The following PTPRN2 variants were observed in gnomAD, a reference collection of about 807,000 sequenced individuals.
The protein encoded by PTPRN2 is protein tyrosine phosphatase receptor type N2, also known as receptor-type tyrosine-protein phosphatase N2.
A neutral mutation model predicts 118.8 loss-of-function variants in PTPRN2; 74 were observed. The ratio of observed to expected loss-of-function variants is 0.62; its 90% CI spans 0.52 to 0.76. The LOEUF is 0.76. Ranked by LOEUF, PTPRN2 falls within the 30% of genes least tolerant of loss-of-function variation. The pLI is 0.00. For synonymous variants in PTPRN2, 641 were observed against 608.0 expected (o/e 1.05, Z -0.80); for missense variants, 1,481 against 1,394.4 (o/e 1.06, Z -0.99).
At chr7:157,556,111 G>A (rs1798863308) in intron 21 of PTPRN2, among the ~76,000 whole-genome samples, 2 of 152,290 alleles carry the variant, frequency 1.3e-5, no homozygotes, top group South Asian at 2.1e-4. Context: ...ACTGTGGTTG[G>A]GGATGCTCTG....
At chr7:158,148,534 AGGT>A (rs1820455916) in intron 6 of PTPRN2, among the ~76,000 whole-genome samples, 3 of 40,510 alleles carry the variant, frequency 7.4e-5, no homozygotes, top group African/African-American at 2.3e-4. Context: ...CTCACGCCAC[AGGT>A]CTTTCCCCCT....
Position 157,615,671 on chromosome 7 carries a change from CAT to C in PTPRN2, c.2344+5689_2344+5690del, listed in dbSNP as rs745932983. On this transcript the variant is annotated intron_variant, in intron 15 of 22. Coordinates refer to ENST00000389418, the MANE Select transcript of PTPRN2 (RefSeq NM_002847.5). The surrounding 1 kb of genome is among the most constrained non-coding windows in gnomAD (Gnocchi z 4.3). ...ATCAATGACTTGACGACGTGAAAAA[CAT>C]GTTTATAAAACGAGCAGATGGTGCC... is the stretch of plus-strand genomic sequence containing the variant. 2.6e-4 allele frequency: 121 copies of C among 460,184 alleles called. No individual in the cohort carries two copies. The highest frequency in any genetic ancestry group is 1.7e-3 in the South Asian group (111 of 64,170). 28.5% of individuals were successfully genotyped at this position (460,184 alleles called of 1,614,324 possible).
intron 16 of PTPRN2, among the ~76,000 whole-genome samples, chr7:157,595,840 A>T (rs912293453): frequency 2.0e-4 from 30 of 152,210 alleles, no homozygotes; most frequent in African/African-American, 7.2e-4. Context: ...AGCCTGAACC[A>T]CTGCGTCTGA....
At position 158,587,802 on chromosome 7, in the gene PTPRN2, G is replaced by T; in HGVS notation, c.-133C>A. 1 of 894,458 alleles carries T rather than the reference G, an allele frequency of 1.1e-6. No homozygotes were observed. The highest frequency in any genetic ancestry group is 1.3e-6 in the Non-Finnish European group (1 of 746,884). 55.4% of individuals were successfully genotyped at this position (894,458 alleles called of 1,614,324 possible). A position where few individuals can be genotyped will look rare whatever the true frequency, so the allele number is the denominator to read the frequency against. On this transcript the variant is annotated 5_prime_UTR_variant, in exon 1 of 23. Transcript: ENST00000389418. ...CCTCTCGCGCTCTTGCGGCGACGCC[G>T]GGCCGAGCTTCAGCACCGGACAGCG...
intron 2 of PTPRN2, among the ~76,000 whole-genome samples, chr7:158,395,528 T>C (rs184631825): frequency 7.5e-4 from 2 of 2,676 alleles, no homozygotes; most frequent in African/African-American, 1.5e-3. Flanking sequence ...GGGCCAGGGG[T>C]GAGGGGTGAG....
At position 157,746,942 on chromosome 7, in the gene PTPRN2, C is replaced by T. The variant is rs919124772; in HGVS notation, c.1789-64005G>A. Among the ~76,000 whole-genome samples, 13 of 144,014 alleles carry T rather than the reference C, an allele frequency of 9.0e-5. No individual in the cohort carries two copies. In the East Asian group the frequency reaches 2.1e-3, roughly 24 times the overall value. 94.5% of individuals were successfully genotyped at this position (144,014 alleles called of 152,430 possible). On this transcript the variant is annotated intron_variant, in intron 12 of 22. Coordinates refer to ENST00000389418, the MANE Select transcript of PTPRN2 (RefSeq NM_002847.5). Reference sequence around the variant, plus strand: ...CTGCGTCCCTGAGCTCTGGGCTGTCCGGGTGATTCTGAGGCCTGCGTCTCT... The same window carrying T: ...CTGCGTCCCTGAGCTCTGGGCTGTCTGGGTGATTCTGAGGCCTGCGTCTCT...
intron 8 of PTPRN2, among the ~76,000 whole-genome samples, chr7:158,135,634 C>A (rs1425470884): frequency 2.0e-5 from 3 of 152,132 alleles, no homozygotes; most frequent in Admixed American, 2.0e-4. Context: ...CCAGAGCGCT[C>A]CCTGCCCCTC....
intron 12 of PTPRN2, among the ~76,000 whole-genome samples, chr7:157,733,381 G>T (rs111890600): frequency 5.7e-4 from 10 of 17,626 alleles, no homozygotes; most frequent in African/African-American, 3.4e-3. Flanking sequence ...CGTCCCATGC[G>T]CCCAGCACAG....
intron 12 of PTPRN2, among the ~76,000 whole-genome samples, chr7:157,732,314 C>T (rs1168059774): frequency 9.9e-5 from 1 of 10,066 alleles, no homozygotes; most frequent in African/African-American, 8.3e-4. Context: ...GCACAGTTAC[C>T]CTTTCCCGTC....
chr7:157,890,487 GA>G (rs1234299971), intron 12 of PTPRN2, among the ~76,000 whole-genome samples: 1 of 152,082 alleles, frequency 6.6e-6, no homozygotes, highest in East Asian at 1.9e-4. Context: ...TAAAAATACA[GA>G]AAAATTAGCT....
chr7:158,126,950 G>C (rs903906645), intron 9 of PTPRN2, among the ~76,000 whole-genome samples: 2 of 152,324 alleles, frequency 1.3e-5, no homozygotes, highest in South Asian at 4.1e-4. Flanking sequence ...CCCCACAGAG[G>C]TGAGCACGCA....
intron 2 of PTPRN2, among the ~76,000 whole-genome samples, chr7:158,471,834 G>A (rs374809012): frequency 2.6e-5 from 4 of 152,250 alleles, no homozygotes; most frequent in South Asian, 2.1e-4. Context: ...GACAATTGGC[G>A]GGCGCCCCGG....
chr7:158,570,165 C>T lies in PTPRN2; in HGVS notation c.112+17393G>A, dbSNP rs1827926261. On this transcript the variant is annotated intron_variant, in intron 1 of 22. Coordinates refer to ENST00000389418, the MANE Select transcript of PTPRN2 (RefSeq NM_002847.5). This position sits in a 1 kb window ranked among gnomAD's most constrained non-coding sequence, Gnocchi z 4.5. ...CCGTCTCCAACCCCTGCAGGCCGACCTGGGCAGCCAGGCGGGGAGCGCGCA... is the reference window on the plus strand; with the variant it reads ...CCGTCTCCAACCCCTGCAGGCCGACTTGGGCAGCCAGGCGGGGAGCGCGCA... Among the ~76,000 whole-genome samples, 1 of 152,170 alleles carries T rather than the reference C, an allele frequency of 6.6e-6. No homozygotes were observed. The highest frequency in any genetic ancestry group is 1.5e-5 in the Non-Finnish European group (1 of 68,018).
intron 12 of PTPRN2, among the ~76,000 whole-genome samples, chr7:157,748,718 G>T (rs1378840809): frequency 7.1e-6 from 1 of 140,114 alleles, no homozygotes; most frequent in Non-Finnish European, 1.5e-5. Flanking sequence ...GTGATTCTGA[G>T]GCCTGCGTCC....
chr7:158,223,345 A>G (rs1397576309), intron 3 of PTPRN2, among the ~76,000 whole-genome samples: 3 of 152,192 alleles, frequency 2.0e-5, no homozygotes, highest in African/African-American at 7.2e-5. Context: ...TTAACCCGAT[A>G]CCAAAAGCAA....
chr7:157,660,719 C>A (rs1042422078), intron 13 of PTPRN2, among the ~76,000 whole-genome samples: 1 of 152,144 alleles, frequency 6.6e-6, no homozygotes, highest in Non-Finnish European at 1.5e-5. Context: ...GACGGCTTGG[C>A]AAATGTAAAG....
chr7:157,665,154 G>T (rs1796074996), intron 13 of PTPRN2, among the ~76,000 whole-genome samples: 1 of 152,204 alleles, frequency 6.6e-6, no homozygotes, highest in Non-Finnish European at 1.5e-5. Flanking sequence ...ATCTTGGCCG[G>T]ACAGAAGGTC....
intron 11 of PTPRN2, among the ~76,000 whole-genome samples, chr7:158,071,567 CCTG>C (rs1563391986): frequency 0.019 from 147 of 7,678 alleles, 5 homozygotes; most frequent in African/African-American, 0.037. Context: ...TGGAGGTGCT[CCTG>C]GTGGAGGTGC....
At chr7:157,605,151 G>A (rs892921963) in intron 15 of PTPRN2, among the ~76,000 whole-genome samples, 5 of 152,258 alleles carry the variant, frequency 3.3e-5, no homozygotes, top group African/African-American at 1.2e-4. Flanking sequence ...TGCCAAGGGC[G>A]AGTCAGGCAT....
Sources: allele counts gnomAD v4.1 joint callset (sites outside exome capture counted in the v4.1 genomes callset), GRCh38; gene constraint gnomAD v4.1.1; non-coding constraint Gnocchi (gnomAD v3.1); transcripts MANE v1.5; gene names NCBI Gene and HGNC (gene_info 2026-07-23, HGNC 2026-07-21).